The following L3MBTL1 variants were observed in gnomAD, a reference collection of about 807,000 sequenced individuals.
L3MBTL1 encodes the protein L3MBTL histone methyl-lysine binding protein 1.
Under a neutral mutation model 105.3 loss-of-function variants are expected in L3MBTL1, and 75 were observed. The ratio of observed to expected loss-of-function variants is 0.71; its 90% CI spans 0.59 to 0.86. The LOEUF (loss-of-function observed/expected upper bound fraction) is 0.86. Ranked by LOEUF, L3MBTL1 falls within the 40% of genes least tolerant of loss-of-function variation. The probability of loss-of-function intolerance (pLI) is 0.00; values close to 1 mark genes in which losing one functional copy is unlikely to be tolerated. For missense variants in L3MBTL1, 1,069 were observed against 1,126.4 expected, an observed-to-expected ratio of 0.95 and a Z score of 0.73; for synonymous variants, 452 against 436.2, an observed-to-expected ratio of 1.04 and a Z score of -0.45.
chr20:43,510,402 CTTTCTTT>C lies in L3MBTL1; in HGVS notation c.-29+2662_-29+2668del, dbSNP rs1247706398. ...GTTTTATAATTTTCTTTCTTTCTTT[CTTTCTTT>C]TTTTTTTTTTTTTGAGGTGGAGTCT... On this transcript the variant is annotated intron_variant, in intron 1 of 21. Transcript: ENST00000418998. 1.4e-4 allele frequency among the ~76,000 whole-genome samples: 13 copies of C among 91,424 alleles called. No homozygotes were observed. The South Asian group carries it at 3.8e-3, about 27-fold the overall frequency. The allele number at this position is 91,424 out of a possible 152,430, so 60.0% of individuals were successfully genotyped here.
chr20:43,540,871 C>T, intron 21 of L3MBTL1, 56 bp downstream of exon 21: 1 of 1,612,094 alleles, frequency 6.2e-7, no homozygotes. Context: ...CTTAAGACGG[C>T]AGGAAGCAGG....
rs1299923746 is a variant in L3MBTL1 at position 43,514,003 on chromosome 20, C to T, written c.302C>T (p.Thr101Ile). 1.9e-6 allele frequency: 3 copies of T among 1,542,672 alleles called. No individual in the cohort carries two copies. The highest frequency in any genetic ancestry group is 2.0e-5 in the Admixed American group (1 of 51,006). ...SAGPASSSTS[T>I]VRLLEWTEAA... is the part of the protein sequence containing the mutation. Reference sequence around the variant, plus strand: ...GGGCCGGCCAGCTCCAGCACCAGCACAGTGCGGCTTCTGGAATGGACAGAG... The same window carrying T: ...GGGCCGGCCAGCTCCAGCACCAGCATAGTGCGGCTTCTGGAATGGACAGAG... The change falls in exon 3 of 22, where the codon ACA (threonine) becomes ATA (isoleucine). Residue 101 changes from threonine to isoleucine, a missense_variant. Transcript: ENST00000418998.
At chr20:43,538,581 A>G (rs1316535278) in intron 19 of L3MBTL1, among the ~76,000 whole-genome samples, 1 of 152,110 alleles carries the variant, frequency 6.6e-6, no homozygotes, top group Non-Finnish European at 1.5e-5. Flanking sequence ...GAACAATTCC[A>G]TAGGAAGATC....
At chr20:43,516,867 C>T (rs913489752) in intron 7 of L3MBTL1, among the ~76,000 whole-genome samples, 11 of 151,996 alleles carry the variant, frequency 7.2e-5, no homozygotes, top group African/African-American at 2.7e-4. Context: ...AAACACAGCT[C>T]ACTGAAGCCT....
chr20:43,523,451 C>A (rs748205089), intron 7 of L3MBTL1: 3 of 232,428 alleles, frequency 1.3e-5, no homozygotes, highest in African/African-American at 4.6e-5. Context: ...GTTAAACCCC[C>A]AGAGAGGAAT....
At chr20:43,532,748 G>T in intron 11 of L3MBTL1, 25 bp from the exon 12 acceptor site, 2 of 1,613,892 alleles carry the variant, frequency 1.2e-6, no homozygotes, top group Non-Finnish European at 1.7e-6. Context: ...GGCCCTGGCC[G>T]TGGCAGCTCC....
At position 43,516,123 on chromosome 20, in the gene L3MBTL1, G is replaced by A. The variant is rs1231678477; in HGVS notation, c.808G>A (p.Gly270Arg). The change falls in exon 7 of 22, where the codon GGA becomes AGA. Residue 270 changes from glycine (G) to arginine (R), a missense_variant. Transcript: ENST00000418998. ...GCAAGAAGAAGGAAAGGACCCAGAG[G>A]GACAACCCACTGCTAGCACCCCAGA... ...EKQEEGKDPEGQPTASTPESE... is the reference protein window; with the variant it reads ...EKQEEGKDPERQPTASTPESE... 6.2e-7 allele frequency: 1 copy of A among 1,613,926 alleles called. No homozygotes were observed. Among genetic ancestry groups the A allele is most frequent in the African/African-American group, 1.3e-5 (1 of 74,906 alleles).
chr20:43,536,496 A>T (rs759464032), intron 19 of L3MBTL1, 38 bp downstream of exon 19: 11 of 1,608,428 alleles, frequency 6.8e-6, no homozygotes, highest in Non-Finnish European at 8.5e-6. Context: ...CCTCCACCAC[A>T]GAGTGTTCAC....
intron 16 of L3MBTL1, 129 bp from the exon 17 acceptor site, chr20:43,535,708 A>C (rs1038326382): frequency 3.2e-6 from 2 of 623,418 alleles, no homozygotes. Flanking sequence ...TGTCACAGCC[A>C]ACGCAGGGCC....
rs181643580 is a variant in L3MBTL1 at position 43,516,907 on chromosome 20, T to C, written c.862+730T>C. Among the ~76,000 whole-genome samples, 10 of 152,112 alleles carry C rather than the reference T, an allele frequency of 6.6e-5. No homozygotes were observed. The East Asian group carries it at 1.9e-3, about 29-fold the overall frequency. ...CTCCTAGGCTCAAGCAGTCTTCCAC[T>C]TCAACCTCCTGAGTAGCTGGGACCA... is the stretch of plus-strand genomic sequence containing the variant. On this transcript the variant is annotated intron_variant, in intron 7 of 21. Coordinates refer to ENST00000418998, the MANE Select transcript of L3MBTL1 (RefSeq NM_001377303.1).
At chr20:43,523,451 C>T (rs748205089) in intron 7 of L3MBTL1, 2 of 232,546 alleles carry the variant, frequency 8.6e-6, no homozygotes, top group Admixed American at 4.0e-5. Context: ...GTTAAACCCC[C>T]AGAGAGGAAT....
At chr20:43,515,923 AGGG>A (rs10601749) in intron 6 of L3MBTL1, 167 bp from the exon 7 acceptor site, 26,558 of 598,498 alleles carry the variant, frequency 0.044, 1,091 homozygotes, top group African/African-American at 0.16. Flanking sequence ...CTCAAGTGAT[AGGG>A]GGATGTCTGC....
rs572857367 is a variant in L3MBTL1, at chr20:43,540,356, C to G, written c.2331+48C>G. 2.5e-6 allele frequency: 4 copies of G among 1,598,922 alleles called. No homozygotes were observed. In the Admixed American group the frequency reaches 5.0e-5, roughly 20 times the overall value. On this transcript the variant is annotated intron_variant, in intron 20 of 21. Coordinates refer to ENST00000418998, the MANE Select transcript of L3MBTL1 (RefSeq NM_001377303.1). Reference sequence around the variant, plus strand: ...TATCCTTCTCTTCCTCTCCTCCTCCCTCTCACCATACCCTGGTGGAAAGGC... The same window carrying G: ...TATCCTTCTCTTCCTCTCCTCCTCCGTCTCACCATACCCTGGTGGAAAGGC...
intron 20 of L3MBTL1, among the ~76,000 whole-genome samples, chr20:43,540,518 G>A (rs2019861087): frequency 6.6e-6 from 1 of 152,160 alleles, no homozygotes; most frequent in African/African-American, 2.4e-5. Context: ...GGGGGCGGGG[G>A]CTGTGCTGCT....
chr20:43,520,282 CTT>C (rs752064773), intron 7 of L3MBTL1, among the ~76,000 whole-genome samples: 2 of 152,166 alleles, frequency 1.3e-5, no homozygotes, highest in Non-Finnish European at 2.9e-5. Flanking sequence ...GCATACCACA[CTT>C]TGTTTATTCA....
rs778014192 is a variant in L3MBTL1, at chr20:43,548,061, T to A, written c.2125-50T>A. ...CTCCCTTTCCTTCACCCCTGCCCCG[T>A]GACCCTTTCCACCTTCTCCACTTTC... On this transcript the variant is annotated intron_variant, in intron 18 of 18. Transcript: ENST00000422861. 18 of 1,279,788 alleles carry A rather than the reference T, an allele frequency of 1.4e-5. No homozygotes were observed. In the South Asian group the frequency reaches 1.5e-4, roughly 11 times the overall value. 79.3% of individuals were successfully genotyped at this position (1,279,788 alleles called of 1,614,324 possible).
At chr20:43,526,057 G>A (rs1030767337) in intron 7 of L3MBTL1, among the ~76,000 whole-genome samples, 6 of 152,192 alleles carry the variant, frequency 3.9e-5, no homozygotes, top group Admixed American at 6.5e-5. Flanking sequence ...CAGATAAAGA[G>A]GGTGTTGGTC....
At chr20:43,544,736 G>A (rs189224347), downstream of L3MBTL1, among the ~76,000 whole-genome samples, 669 of 152,278 alleles carry the variant, frequency 4.4e-3, 12 homozygotes, top group African/African-American at 0.016. Context: ...AGGCCAAGGC[G>A]GGCGGATTAT....
intron 7 of L3MBTL1, among the ~76,000 whole-genome samples, chr20:43,522,456 A>T (rs2018765300): frequency 2.2e-5 from 2 of 89,874 alleles, no homozygotes; most frequent in African/African-American, 3.6e-5. Context: ...TTCCCTGCTA[A>T]GTTTTTTTTT....
Sources: gnomAD v4.1 joint callset for allele counts (sites outside exome capture counted in the v4.1 genomes callset) on GRCh38, gnomAD v4.1.1 for gene constraint, MANE v1.5 for transcripts, NCBI Gene and HGNC (gene_info 2026-07-23, HGNC 2026-07-21) for gene names.